The following BCL2L13 variants were observed in gnomAD, a reference collection of about 807,000 sequenced individuals.
The protein encoded by BCL2L13 is BCL2 like 13.
A neutral mutation model predicts 25.8 loss-of-function variants in BCL2L13; 13 were observed. That is an observed-to-expected ratio of 0.50 (90% CI 0.33 to 0.80). BCL2L13 has a LOEUF of 0.80. BCL2L13 is among the 30% of genes least tolerant of loss of function. The pLI, the probability that BCL2L13 is intolerant of heterozygous loss-of-function variation, is 0.02. For missense variants in BCL2L13, 504 were observed against 574.9 expected (o/e 0.88, Z 1.26); for synonymous variants, 244 against 230.3 (o/e 1.06, Z -0.54).
intron 1 of BCL2L13, among the ~76,000 whole-genome samples, chr22:17,644,334 CTTT>C (rs34881981): frequency 2.2e-5 from 3 of 139,378 alleles, no homozygotes; most frequent in Admixed American, 7.2e-5. Context: ...TTTAATAATT[CTTT>C]TTTTTTTTTT....
chr22:17,646,947 A>ATTT, intron 1 of BCL2L13, among the ~76,000 whole-genome samples: 1 of 24,202 alleles, frequency 4.1e-5, no homozygotes, highest in African/African-American at 1.8e-4. Flanking sequence ...ATATATATAT[A>ATTT]TATATATATT....
chr22:17,652,274 G>A (rs2058712771), intron 1 of BCL2L13, among the ~76,000 whole-genome samples: 1 of 151,982 alleles, frequency 6.6e-6, no homozygotes, highest in Non-Finnish European at 1.5e-5. Context: ...CTAAGCTCAA[G>A]TGATCCCTCT....
At chr22:17,653,555 A>G (rs1393576564) in intron 1 of BCL2L13, among the ~76,000 whole-genome samples, 1 of 134,620 alleles carries the variant, frequency 7.4e-6, no homozygotes, top group East Asian at 2.1e-4. Context: ...GCTGCAGTGC[A>G]TTGGTATGTG....
upstream of BCL2L13, among the ~76,000 whole-genome samples, chr22:17,636,278 C>G (rs916738385): frequency 2.0e-5 from 3 of 150,190 alleles, no homozygotes; most frequent in African/African-American, 2.5e-5. Context: ...GAGCCAAGAT[C>G]TGCCACTGCA....
intron 1 of BCL2L13, among the ~76,000 whole-genome samples, chr22:17,633,345 C>T (rs1283187816): frequency 6.6e-6 from 1 of 152,164 alleles, no homozygotes; most frequent in Non-Finnish European, 1.5e-5. Context: ...CAGAGATAAC[C>T]TCTGAAGGGA....
chr22:17,667,131 C>T (rs1335589972), intron 2 of BCL2L13, among the ~76,000 whole-genome samples: 1 of 152,066 alleles, frequency 6.6e-6, no homozygotes, highest in East Asian at 1.9e-4. Context: ...ATACTGATTC[C>T]TTTTTTTGGG....
intron 6 of BCL2L13, among the ~76,000 whole-genome samples, chr22:17,720,279 C>T (rs2061082008): frequency 6.6e-6 from 1 of 152,110 alleles, no homozygotes; most frequent in Non-Finnish European, 1.5e-5. Context: ...AGTGATTCTC[C>T]CACCTCAGCC....
intron 2 of BCL2L13, among the ~76,000 whole-genome samples, chr22:17,664,450 GTGTC>G: frequency 6.6e-6 from 1 of 152,268 alleles, no homozygotes; most frequent in Middle Eastern, 3.4e-3. Context: ...CTGGCATTGA[GTGTC>G]TGTGGCTCTT....
At chr22:17,719,153 CAAAAAAAAAAA>C (rs59630355) in intron 6 of BCL2L13, among the ~76,000 whole-genome samples, 1 of 45,506 alleles carries the variant, frequency 2.2e-5, no homozygotes, top group African/African-American at 8.5e-5. Flanking sequence ...GGCTCTGTCT[CAAAAAAAAAAA>C]AAAAAAAAAA....
rs1390330383 is a variant in BCL2L13, at chr22:17,726,708, A to C, written c.632A>C (p.Glu211Ala). 1 of 1,614,006 alleles carries C rather than the reference A, an allele frequency of 6.2e-7. No homozygotes were observed. The highest frequency in any genetic ancestry group is 1.7e-5 in the Admixed American group (1 of 59,992). ...GTVFSLESEEEEYPGITAEDS... is the reference protein window; with the variant it reads ...GTVFSLESEEAEYPGITAEDS... ...GTGTTTAGTCTTGAGTCAGAGGAGGAGGAATACCCTGGAATCACTGCAGAA... is the reference window on the plus strand; with the variant it reads ...GTGTTTAGTCTTGAGTCAGAGGAGGCGGAATACCCTGGAATCACTGCAGAA... The change falls in exon 7 of 7, where the codon GAG (glutamate) becomes GCG (alanine). Residue 211 changes from glutamate to alanine, a missense_variant. By Grantham distance (107) the Glu-to-Ala change is moderately radical. Coordinates refer to ENST00000317582, the MANE Select transcript of BCL2L13 (RefSeq NM_015367.4).
intron 2 of BCL2L13, among the ~76,000 whole-genome samples, chr22:17,680,591 G>T (rs2059721118): frequency 6.7e-6 from 1 of 150,008 alleles, no homozygotes; most frequent in Admixed American, 6.7e-5. Flanking sequence ...AGACAGCACA[G>T]GAGGAAGGGT....
At chr22:17,631,179 C>A (rs182098458) in intron 1 of BCL2L13, among the ~76,000 whole-genome samples, 108 of 151,746 alleles carry the variant, frequency 7.1e-4, no homozygotes, top group Non-Finnish European at 1.4e-3. Flanking sequence ...TCACTGCAAC[C>A]TCCACCTCCT....
chr22:17,647,164 C>T (rs958119520), intron 1 of BCL2L13, among the ~76,000 whole-genome samples: 8 of 151,072 alleles, frequency 5.3e-5, no homozygotes, highest in African/African-American at 9.7e-5. Context: ...CTAGTAGAGA[C>T]GGGGTTTCAC....
At chr22:17,632,366 A>G (rs2058044244) in intron 1 of BCL2L13, among the ~76,000 whole-genome samples, 1 of 152,204 alleles carries the variant, frequency 6.6e-6, no homozygotes, top group African/African-American at 2.4e-5. Flanking sequence ...GGCAAGAGAA[A>G]CTGATGCAAT....
At chr22:17,662,772 T>G (rs2059115442) in intron 2 of BCL2L13, among the ~76,000 whole-genome samples, 1 of 152,038 alleles carries the variant, frequency 6.6e-6, no homozygotes, top group Non-Finnish European at 1.5e-5. Context: ...TGAACTGAGA[T>G]CATGCCACTG....
chr22:17,637,043 C>T (rs921072771), upstream of BCL2L13, among the ~76,000 whole-genome samples: 13 of 152,070 alleles, frequency 8.5e-5, no homozygotes, highest in Non-Finnish European at 1.8e-4. Context: ...GAGGCTGAGG[C>T]AGGCGGATCT....
chr22:17,718,337 C>T (rs1307269929), intron 6 of BCL2L13, among the ~76,000 whole-genome samples: 1 of 151,710 alleles, frequency 6.6e-6, no homozygotes, highest in Non-Finnish European at 1.5e-5. Flanking sequence ...AGATGCTAGC[C>T]AAAATATTAG....
intron 4 of BCL2L13, among the ~76,000 whole-genome samples, chr22:17,691,468 A>G (rs2060101959): frequency 6.6e-6 from 1 of 152,126 alleles, no homozygotes; most frequent in African/African-American, 2.4e-5. Context: ...AACACAGTGA[A>G]ACCCCGTCTC....
intron 1 of BCL2L13, among the ~76,000 whole-genome samples, chr22:17,632,268 A>G (rs576170157): frequency 2.6e-5 from 4 of 152,094 alleles, no homozygotes; most frequent in Non-Finnish European, 5.9e-5. Flanking sequence ...TCCTTGTAGG[A>G]CAGATTGGTG....
Sources: gnomAD v4.1 joint callset for allele counts (sites outside exome capture counted in the v4.1 genomes callset) on GRCh38, gnomAD v4.1.1 for gene constraint, MANE v1.5 for transcripts, NCBI Gene and HGNC (gene_info 2026-07-23, HGNC 2026-07-21) for gene names.